ENTPD5: variants seen among roughly 807,000 people sequenced by gnomAD.
ENTPD5 encodes the protein nucleoside diphosphate phosphatase ENTPD5.
A neutral mutation model predicts 60.2 loss-of-function variants in ENTPD5; 49 were observed. The ratio of observed to expected loss-of-function variants is 0.81; its 90% CI spans 0.65 to 1.03. ENTPD5 has a LOEUF of 1.03. ENTPD5 is among the 50% of genes least tolerant of loss of function. The pLI is 0.00. For missense variants in ENTPD5, 480 were observed against 507.6 expected (o/e 0.95, Z 0.52); for synonymous variants, 187 against 185.4 (o/e 1.01, Z -0.07).
At chr14:73,960,972 A>C (rs888575647), downstream of ENTPD5, 142 of 686,584 alleles carry the variant, frequency 2.1e-4, no homozygotes, top group Admixed American at 3.0e-3. Flanking sequence ...GCTCATGTAC[A>C]GTTTGGCTAG....
downstream of ENTPD5, chr14:73,956,386 G>A (rs2056440478): frequency 1.2e-5 from 2 of 170,324 alleles, no homozygotes; most frequent in African/African-American, 4.8e-5. Context: ...CTTAGAAGTG[G>A]AATTGCTGGG....
chr14:73,975,910 T>G, intron 10 of ENTPD5, 26 bp downstream of exon 10: 3 of 1,523,108 alleles, frequency 2.0e-6, no homozygotes, highest in Non-Finnish European at 9.0e-7. Flanking sequence ...ACATGAAATA[T>G]TCTTCTTCCC....
At chr14:73,974,210 G>A (rs988336604) in intron 11 of ENTPD5, among the ~76,000 whole-genome samples, 3 of 152,174 alleles carry the variant, frequency 2.0e-5, no homozygotes, top group African/African-American at 4.8e-5. Context: ...TCATGCATAT[G>A]TGCTTTTGTC....
chr14:73,959,150 TCTCTGTTGCAGG>T, downstream of ENTPD5: 1 of 1,614,186 alleles, frequency 6.2e-7, no homozygotes, highest in Non-Finnish European at 8.5e-7. Context: ...ACTTTTCTCC[TCTCTGTTGCAGG>T]CCACAGAAAA....
Position 74,011,128 on chromosome 14 carries a change from C to A in ENTPD5, c.-108G>T. 1.1e-6 allele frequency: 1 copy of A among 883,560 alleles called. No homozygotes were observed. The highest frequency in any genetic ancestry group is 1.4e-6 in the Non-Finnish European group (1 of 737,266). The allele number at this position is 883,560 out of a possible 1,614,324, so 54.7% of individuals were successfully genotyped here. A position where few individuals can be genotyped will look rare whatever the true frequency, so the allele number is the denominator to read the frequency against. On this transcript the variant is annotated 5_prime_UTR_variant, in exon 3 of 16. In the 5' UTR this introduces an upstream ATG that the reference lacks. Transcript: ENST00000334696. ...TCCTTCTGAATTTTCTCCTTGGTTC[C>A]TTTATTATATCACTTTTTCAACCTG...
At chr14:73,956,205 A>G (rs913478578), downstream of ENTPD5, 17 of 373,712 alleles carry the variant, frequency 4.5e-5, no homozygotes, top group Admixed American at 3.7e-4. Context: ...GCGGGCGCCT[A>G]TAGACCCAGC....
intron 10 of ENTPD5, 115 bp from the exon 11 acceptor site, chr14:73,975,100 T>C (rs1021587342): frequency 6.9e-5 from 57 of 827,896 alleles, no homozygotes; most frequent in African/African-American, 6.7e-5. Context: ...GAAAACCTTG[T>C]TCTGTCTGTG....
In ENTPD5 at chr14:73,964,576, A is replaced by AT. The variant is rs1309778921; in HGVS notation, c.*2351dup. On this transcript the variant is annotated 3_prime_UTR_variant, in exon 16 of 16. Transcript: ENST00000334696. ...CACAGTGATTAAAGACCAGAGACTT[A>AT]TATCTCTGCATTTGTCAAGCTGGAA... 2 of 152,228 alleles carry AT rather than the reference A, an allele frequency of 1.3e-5. No individual in the cohort carries two copies. The highest frequency in any genetic ancestry group is 2.9e-5 in the Non-Finnish European group (2 of 68,038). The allele number at this position is 152,228 out of a possible 1,614,324, so 9.4% of individuals were successfully genotyped here. A position where few individuals can be genotyped will look rare whatever the true frequency, so the allele number is the denominator to read the frequency against.
chr14:73,975,087 G>T, intron 10 of ENTPD5, 102 bp from the exon 11 acceptor site: 1 of 905,826 alleles, frequency 1.1e-6, no homozygotes, highest in Non-Finnish European at 1.8e-6. Context: ...CCTCTGGAAA[G>T]ATGAAAACCT....
At chr14:73,956,293 A>G (rs1043252626), downstream of ENTPD5, 2 of 232,286 alleles carry the variant, frequency 8.6e-6, no homozygotes, top group Non-Finnish European at 1.7e-5. Context: ...ACGCCACTGC[A>G]CTCCAGCCTG....
chr14:73,976,575 C>T (rs1233849205), intron 8 of ENTPD5, among the ~76,000 whole-genome samples, 163 bp from the exon 9 acceptor site: 1 of 152,042 alleles, frequency 6.6e-6, no homozygotes, highest in Non-Finnish European at 1.5e-5. Context: ...CTTGTTGCAG[C>T]AGAGGCCTTC....
At chr14:74,016,141 T>C (rs1298038907) in intron 1 of ENTPD5, among the ~76,000 whole-genome samples, 1 of 152,224 alleles carries the variant, frequency 6.6e-6, no homozygotes, top group Non-Finnish European at 1.5e-5. Context: ...CTACTATCTG[T>C]ACTATCAGTT....
downstream of ENTPD5, chr14:73,961,873 G>A (rs758933153): frequency 1.2e-6 from 2 of 1,614,070 alleles, no homozygotes; most frequent in South Asian, 1.1e-5. Flanking sequence ...CGTGGGGCTT[G>A]CAGGCCACAA....
chr14:73,976,926 A>G, intron 8 of ENTPD5, 98 bp downstream of exon 8: 1 of 1,123,532 alleles, frequency 8.9e-7, no homozygotes, highest in Middle Eastern at 2.2e-4. Flanking sequence ...TTTTTAAAGA[A>G]GAAGAAACAA....
At chr14:73,961,211 T>G (rs143893523), downstream of ENTPD5, 1 of 1,613,976 alleles carries the variant, frequency 6.2e-7, no homozygotes, top group Non-Finnish European at 8.5e-7. Flanking sequence ...TCGACACAGC[T>G]GGTGCCATGC....
downstream of ENTPD5, chr14:73,961,676 TAGG>T (rs957949925): frequency 5.5e-5 from 89 of 1,610,414 alleles, no homozygotes; most frequent in African/African-American, 1.1e-3. Flanking sequence ...TCTGGCTTGC[TAGG>T]AGATGGAAGA....
In ENTPD5 at chr14:74,006,844, C is replaced by T. The variant is rs139005330; in HGVS notation, c.-71+4247G>A. Among the ~76,000 whole-genome samples, 554 of 152,184 alleles carry T rather than the reference C, an allele frequency of 3.6e-3. 5 individuals carry two copies. The highest frequency in any genetic ancestry group is 0.013 in the African/African-American group (535 of 41,506). On this transcript the variant is annotated intron_variant, in intron 3 of 15. Coordinates refer to ENST00000334696, the MANE Select transcript of ENTPD5 (RefSeq NM_001249.5). Reference sequence around the variant, plus strand: ...ATGAGATCCTCCCACCTCAGTCTCCCAAAGCATTAGGATTACAGGCCTGAG... The same window carrying T: ...ATGAGATCCTCCCACCTCAGTCTCCTAAAGCATTAGGATTACAGGCCTGAG...
At chr14:74,001,201 T>C (rs998526959) in intron 3 of ENTPD5, among the ~76,000 whole-genome samples, 1 of 151,334 alleles carries the variant, frequency 6.6e-6, no homozygotes, top group African/African-American at 2.4e-5. Context: ...CTACAAAATA[T>C]TAAAAAATTA....
chr14:73,977,784 G>A (rs1321848229), intron 6 of ENTPD5, among the ~76,000 whole-genome samples: 2 of 152,190 alleles, frequency 1.3e-5, no homozygotes, highest in Non-Finnish European at 2.9e-5. Context: ...TGAACCTGCT[G>A]TGGTGAAGTT....
Sources: gnomAD v4.1 joint callset for allele counts (sites outside exome capture counted in the v4.1 genomes callset) on GRCh38, gnomAD v4.1.1 for gene constraint, MANE v1.5 for transcripts, NCBI Gene and HGNC (gene_info 2026-07-23, HGNC 2026-07-21) for gene names.